The following DAB2IP variants were observed in gnomAD, a reference collection of about 807,000 sequenced individuals.
DAB2IP encodes disabled homolog 2-interacting protein.
In DAB2IP, 28 loss-of-function variants were observed where a neutral mutation model predicts 107.2. That is an observed-to-expected ratio of 0.26 (90% CI 0.19 to 0.36). The LOEUF is 0.36. Ranked by LOEUF, DAB2IP falls within the 10% of genes least tolerant of loss-of-function variation. DAB2IP has a pLI of 1.00. For synonymous variants in DAB2IP, 755 were observed against 706.4 expected (o/e 1.07, Z -1.09); for missense variants, 1,400 against 1,644.7 (o/e 0.85, Z 2.57).
intron 3 of DAB2IP, among the ~76,000 whole-genome samples, chr9:121,722,415 C>T (rs753778616): frequency 3.1e-4 from 47 of 152,150 alleles, no homozygotes; most frequent in Non-Finnish European, 5.1e-4. Flanking sequence ...AGTTATGACT[C>T]CTCCCTTTTT....
intron 1 of DAB2IP, among the ~76,000 whole-genome samples, chr9:121,637,570 GAGGA>G (rs1429378980): frequency 1.8e-4 from 27 of 152,180 alleles, no homozygotes; most frequent in Non-Finnish European, 2.9e-5. Flanking sequence ...CTCTCTGTTG[GAGGA>G]AGGGAGGGGA....
chr9:121,783,695 G>GGGT, exon 16 of DAB2IP: 1 of 1,082,166 alleles, frequency 9.2e-7, no homozygotes, highest in Non-Finnish European at 1.4e-6. Flanking sequence ...GTGTGTGGCC[G>GGGT]GCCTCCTCCT....
At chr9:121,640,208 G>A (rs1243079589) in intron 1 of DAB2IP, among the ~76,000 whole-genome samples, 1 of 152,166 alleles carries the variant, frequency 6.6e-6, no homozygotes, top group Admixed American at 6.5e-5. Flanking sequence ...AGCCCAGCAG[G>A]GGGCAGCGCA....
intron 3 of DAB2IP, among the ~76,000 whole-genome samples, chr9:121,714,432 G>T (rs949606858): frequency 6.6e-6 from 1 of 152,206 alleles, no homozygotes; most frequent in Non-Finnish European, 1.5e-5. Context: ...GCCATGCAAG[G>T]CCGAGTCCTG....
intron 3 of DAB2IP, chr9:121,751,201 C>T (rs1300129466): frequency 1.2e-5 from 2 of 170,902 alleles, no homozygotes; most frequent in Non-Finnish European, 2.5e-5. Flanking sequence ...CCCTGCTGCC[C>T]AGCTGCTGTG....
intron 1 of DAB2IP, among the ~76,000 whole-genome samples, chr9:121,585,330 C>G (rs35267509): frequency 0.24 from 36,589 of 152,032 alleles, 5,120 homozygotes; most frequent in East Asian, 0.37. Flanking sequence ...CTGTCCCTTA[C>G]TAGATAGATT....
chr9:121,645,990 C>T (rs1832523047), intron 1 of DAB2IP, among the ~76,000 whole-genome samples: 1 of 152,092 alleles, frequency 6.6e-6, no homozygotes, highest in Non-Finnish European at 1.5e-5. Context: ...CACGGTGACC[C>T]CCTCTTAGAG....
At chr9:121,649,346 G>A (rs191173485), upstream of DAB2IP, among the ~76,000 whole-genome samples, 84 of 142,668 alleles carry the variant, frequency 5.9e-4, 12 homozygotes, top group South Asian at 0.013. Flanking sequence ...GACCTTTGGA[G>A]CCCAGCTGTG....
chr9:121,747,666 A>T (rs2118920979), intron 3 of DAB2IP, among the ~76,000 whole-genome samples: 1 of 152,216 alleles, frequency 6.6e-6, no homozygotes, highest in South Asian at 2.1e-4. Context: ...TTCTTTTAAA[A>T]TTCAGGGCAC....
chr9:121,620,347 C>G (rs1831419147), intron 1 of DAB2IP, among the ~76,000 whole-genome samples: 1 of 152,066 alleles, frequency 6.6e-6, no homozygotes, highest in Admixed American at 6.5e-5. Context: ...CAGCCACTGA[C>G]CGGTCCACAA....
chr9:121,568,060 C>T (rs114913649), intron 1 of DAB2IP, among the ~76,000 whole-genome samples: 129 of 152,258 alleles, frequency 8.5e-4, no homozygotes, highest in African/African-American at 2.9e-3. Flanking sequence ...CTGTTGGCCT[C>T]GGAAGAGGTG....
intron 1 of DAB2IP, among the ~76,000 whole-genome samples, chr9:121,611,774 A>C (rs1831104911): frequency 6.6e-6 from 1 of 151,792 alleles, no homozygotes; most frequent in Non-Finnish European, 1.5e-5. Context: ...TAGTAGAGAC[A>C]GGGTTTCACC....
At position 121,760,580 on chromosome 9, in the gene DAB2IP, A is replaced by G; in HGVS notation, c.1170+141A>G. 9.5e-7 allele frequency: 1 copy of G among 1,056,502 alleles called. No individual in the cohort carries two copies. Among genetic ancestry groups the G allele is most frequent in the East Asian group, 2.6e-5 (1 of 38,164 alleles). The allele number at this position is 1,056,502 out of a possible 1,614,324, so 65.4% of individuals were successfully genotyped here. On this transcript the variant is annotated intron_variant, in intron 6 of 15. Transcript: ENST00000408936. The surrounding 1 kb of genome is among the most constrained non-coding windows in gnomAD (Gnocchi z 5.9). ...ACCAGAAGGGCTCCCTAAACCCAAAAGTTCTATCGTGGGCTGGGGGTTTTG... is the reference window on the plus strand; with the variant it reads ...ACCAGAAGGGCTCCCTAAACCCAAAGGTTCTATCGTGGGCTGGGGGTTTTG...
In DAB2IP at chr9:121,599,022, C is replaced by A. The variant is rs1331946539; in HGVS notation, c.40+31794C>A. ...CTGGGGTGCCTTCCCTGTGACACCC[C>A]GCACTGTCCCCTTCCCAAGCTCTAG... On this transcript the variant is annotated intron_variant, in intron 1 of 16. Transcript: ENST00000259371. The surrounding 1 kb of genome is among the most constrained non-coding windows in gnomAD (Gnocchi z 6.9). Among the ~76,000 whole-genome samples, 1 of 152,164 alleles carries A rather than the reference C, an allele frequency of 6.6e-6. No individual in the cohort carries two copies. Among genetic ancestry groups the A allele is most frequent in the Non-Finnish European group, 1.5e-5 (1 of 68,034 alleles).
chr9:121,763,336 C>G (rs1020525671), intron 6 of DAB2IP, among the ~76,000 whole-genome samples, 169 bp from the exon 7 acceptor site: 13 of 152,184 alleles, frequency 8.5e-5, no homozygotes, highest in African/African-American at 2.9e-4. Context: ...CCTGCCCACA[C>G]TCCCCAGCAG....
At chr9:121,571,747 C>A (rs1403979676) in intron 1 of DAB2IP, among the ~76,000 whole-genome samples, 1 of 151,192 alleles carries the variant, frequency 6.6e-6, no homozygotes, top group African/African-American at 2.4e-5. Flanking sequence ...AGCCTCTTAG[C>A]AGGCAGGACT....
chr9:121,781,625 A>C lies in DAB2IP; in HGVS notation c.3402+74A>C, dbSNP rs538023782. 51 of 1,418,020 alleles carry C rather than the reference A, an allele frequency of 3.6e-5. No homozygotes were observed. The African/African-American group carries it at 6.1e-4, about 17-fold the overall frequency. 87.8% of individuals were successfully genotyped at this position (1,418,020 alleles called of 1,614,324 possible). On this transcript the variant is annotated intron_variant, in intron 15 of 15. Coordinates refer to ENST00000408936, the Ensembl canonical transcript of DAB2IP. ...ATTAGGAGGGGTGACTAGCCTCTCC[A>C]TCCTCAGTCATACCTCACTGCAGAC... is the stretch of plus-strand genomic sequence containing the variant.
chr9:121,640,364 G>A, intron 1 of DAB2IP, among the ~76,000 whole-genome samples: 1 of 152,102 alleles, frequency 6.6e-6, no homozygotes, highest in African/African-American at 2.4e-5. Flanking sequence ...TGTGTCAGGG[G>A]GGCGACAATG....
At chr9:121,663,969 C>T (rs748688780) in intron 1 of DAB2IP, among the ~76,000 whole-genome samples, 6 of 152,132 alleles carry the variant, frequency 3.9e-5, no homozygotes, top group Non-Finnish European at 7.3e-5. Context: ...CAGTTTCCTC[C>T]GATTAAAGGT....
Sources: gnomAD v4.1 joint callset for allele counts (sites outside exome capture counted in the v4.1 genomes callset) on GRCh38, gnomAD v4.1.1 for gene constraint, Gnocchi (gnomAD v3.1) non-coding constraint, MANE v1.5 for transcripts, NCBI Gene and HGNC (gene_info 2026-07-23, HGNC 2026-07-21) for gene names.